CHD6: variants seen among roughly 807,000 people sequenced by gnomAD.
CHD6 encodes chromodomain helicase DNA binding protein 6.
A neutral mutation model predicts 276.9 loss-of-function variants in CHD6; 50 were observed. The observed-to-expected ratio is 0.18, with a 90% CI of 0.14 to 0.23. The LOEUF is 0.23. Ranked by LOEUF, CHD6 falls within the 10% of genes least tolerant of loss-of-function variation. CHD6 has a pLI of 1.00. For synonymous variants in CHD6, 1,173 were observed against 1,229.3 expected (o/e 0.95, Z 0.96); for missense variants, 2,564 against 3,365.8 (o/e 0.76, Z 5.89).
At chr20:41,480,812 G>A (rs2043277981) in intron 16 of CHD6, among the ~76,000 whole-genome samples, 1 of 152,148 alleles carries the variant, frequency 6.6e-6, no homozygotes, top group Non-Finnish European at 1.5e-5. Flanking sequence ...TTCATTAAGT[G>A]TAATAGAATG....
At chr20:41,545,651 T>G (rs1359178835) in intron 2 of CHD6, among the ~76,000 whole-genome samples, 1 of 152,202 alleles carries the variant, frequency 6.6e-6, no homozygotes, top group Admixed American at 6.5e-5. Context: ...ACTAGTAAAC[T>G]GAGTCCTCAT....
In CHD6 at chr20:41,413,470, G is replaced by C; in HGVS notation, c.6985C>G (p.Pro2329Ala). 1 of 1,606,888 alleles carries C rather than the reference G, an allele frequency of 6.2e-7. No homozygotes were observed. The highest frequency in any genetic ancestry group is 8.5e-7 in the Non-Finnish European group (1 of 1,177,232). ...PGQATLSTTH[P>A]EGPGPATSAP... ...GAGGTGGCAGGCCCTGGCCCCTCAG[G>C]GTGTGTGGTGCTCAAGGTGGCCTGC... is the stretch of plus-strand genomic sequence containing the variant. Residue 2329 changes from proline (P) to alanine (A), a missense_variant, in exon 35 of 37, where the codon CCT becomes GCT. Around this residue, in one of 7 missense-constraint regions of CHD6, gnomAD observed 1,024 missense variants for 1,047.9 expected, o/e 0.98. Coordinates refer to ENST00000373233, the MANE Select transcript of CHD6 (RefSeq NM_032221.5).
chr20:41,600,526 T>G (rs993065696), intron 1 of CHD6, among the ~76,000 whole-genome samples: 2 of 152,098 alleles, frequency 1.3e-5, no homozygotes, highest in African/African-American at 4.8e-5. Context: ...TACACAGGTA[T>G]ATACATATCT....
At chr20:41,614,419 AG>A (rs1601199169) in intron 1 of CHD6, among the ~76,000 whole-genome samples, 3 of 152,162 alleles carry the variant, frequency 2.0e-5, no homozygotes, top group Admixed American at 6.5e-5. Context: ...TAAAGAAAAA[AG>A]GTTCATCAAT....
At position 41,571,118 on chromosome 20, in the gene CHD6, G is replaced by C. The variant is rs533686084; in HGVS notation, c.-23-19758C>G. 2.8e-3 allele frequency among the ~76,000 whole-genome samples: 426 copies of C among 152,160 alleles called. 1 individual carries two copies. Among genetic ancestry groups the C allele is most frequent in the African/African-American group, 9.7e-3 (404 of 41,514 alleles). ...TTACAGTGGGATTCCAAATCTCTTA[G>C]TGAAGAAAAAGAAGGTCTGGTGATT... On this transcript the variant is annotated intron_variant, in intron 1 of 36. Coordinates refer to ENST00000373233, the MANE Select transcript of CHD6 (RefSeq NM_032221.5).
intron 2 of CHD6, among the ~76,000 whole-genome samples, chr20:41,549,250 CCAA>C (rs1462483594): frequency 1.3e-4 from 19 of 151,794 alleles, no homozygotes; most frequent in Non-Finnish European, 2.5e-4. Flanking sequence ...ATCCAAATGT[CCAA>C]CAACGATAGA....
chr20:41,420,446 C>A (rs117934151), intron 31 of CHD6, 62 bp downstream of exon 31: 25,461 of 1,519,712 alleles, frequency 0.017, 290 homozygotes, highest in South Asian at 0.031. Flanking sequence ...CCCCTAAAAC[C>A]CAACCCCCCG....
intron 1 of CHD6, among the ~76,000 whole-genome samples, chr20:41,587,545 C>G (rs1193429192): frequency 1.3e-5 from 2 of 152,144 alleles, no homozygotes; most frequent in Non-Finnish European, 2.9e-5. Context: ...AGGTTAGTAT[C>G]TTGGAACTAG....
At chr20:41,592,616 T>C (rs2045675606) in intron 1 of CHD6, among the ~76,000 whole-genome samples, 1 of 152,192 alleles carries the variant, frequency 6.6e-6, no homozygotes, top group African/African-American at 2.4e-5. Context: ...GCACACTACA[T>C]TTGCTGCTGT....
At chr20:41,610,824 T>C (rs2045880158) in intron 1 of CHD6, among the ~76,000 whole-genome samples, 1 of 152,058 alleles carries the variant, frequency 6.6e-6, no homozygotes, top group Admixed American at 6.6e-5. Context: ...AAACCTGAAA[T>C]ACTTTGTATG....
chr20:41,468,831 A>G (rs945449541), intron 17 of CHD6, among the ~76,000 whole-genome samples: 5 of 151,844 alleles, frequency 3.3e-5, no homozygotes, highest in African/African-American at 1.2e-4. Flanking sequence ...CCTAGGTAAC[A>G]TGTTGAAACC....
intron 1 of CHD6, among the ~76,000 whole-genome samples, chr20:41,571,934 G>C (rs1601154658): frequency 6.6e-6 from 1 of 152,164 alleles, no homozygotes; most frequent in East Asian, 1.9e-4. Flanking sequence ...TTTCAATACT[G>C]CTTTTCCCCA....
At chr20:41,417,401 C>G (rs1172306568) in intron 31 of CHD6, 52 bp from the exon 32 acceptor site, 1 of 1,498,822 alleles carries the variant, frequency 6.7e-7, no homozygotes, top group Non-Finnish European at 9.1e-7. Context: ...TAGTGAGATA[C>G]TAGTGATCTG....
At chr20:41,512,141 T>TG (rs1165555587) in intron 5 of CHD6, among the ~76,000 whole-genome samples, 6 of 151,658 alleles carry the variant, frequency 4.0e-5, no homozygotes, top group African/African-American at 1.5e-4. Context: ...CTAATTTTTT[T>TG]TTTTGTAGAG....
chr20:41,519,383 T>G (rs1297237668), intron 3 of CHD6, among the ~76,000 whole-genome samples: 1 of 152,230 alleles, frequency 6.6e-6, no homozygotes, highest in African/African-American at 2.4e-5. Context: ...CTTACAGGAA[T>G]GTAATCTAAA....
intron 30 of CHD6, 28 bp downstream of exon 30, chr20:41,423,464 T>G: frequency 6.3e-7 from 1 of 1,593,552 alleles, no homozygotes; most frequent in Non-Finnish European, 8.6e-7. Context: ...CCTTGTATCA[T>G]CTGACAATAT....
At chr20:41,534,938 T>C (rs969820291) in intron 2 of CHD6, among the ~76,000 whole-genome samples, 1 of 152,182 alleles carries the variant, frequency 6.6e-6, no homozygotes, top group South Asian at 2.1e-4. Flanking sequence ...GCTTGGCTCC[T>C]GTGAAGTGCA....
intron 14 of CHD6, chr20:41,485,847 T>C (rs1445545999): frequency 6.6e-6 from 1 of 152,172 alleles, no homozygotes; most frequent in Non-Finnish European, 1.5e-5. Context: ...TTGAATGTTC[T>C]CACAAAAAGC....
At chr20:41,453,870 G>A (rs2048314040) in intron 20 of CHD6, among the ~76,000 whole-genome samples, 1 of 152,178 alleles carries the variant, frequency 6.6e-6, no homozygotes, top group African/African-American at 2.4e-5. Flanking sequence ...TGGTCGTTCT[G>A]GCTGGGTGCT....
Sources: allele counts gnomAD v4.1 joint callset (sites outside exome capture counted in the v4.1 genomes callset), GRCh38; gene constraint gnomAD v4.1.1; regional missense constraint gnomAD v4.1.1; transcripts MANE v1.5; gene names NCBI Gene and HGNC (gene_info 2026-07-23, HGNC 2026-07-21).